DLGAP2: variants seen among roughly 807,000 people sequenced by gnomAD.
DLGAP2 encodes the protein disks large-associated protein 2.
In DLGAP2, 26 loss-of-function variants were observed where a neutral mutation model predicts 100.3. The observed-to-expected ratio is 0.26, with a 90% confidence interval of 0.19 to 0.36. DLGAP2 has a LOEUF of 0.36. DLGAP2 is among the 10% of genes least tolerant of loss of function. DLGAP2 has a pLI of 1.00. For synonymous variants in DLGAP2, 886 were observed against 630.1 expected (o/e 1.41, Z -6.08); for missense variants, 1,858 against 1,453.2 (o/e 1.28, Z -4.53).
chr8:1,125,496 T>A (rs1796144030), intron 2 of DLGAP2, among the ~76,000 whole-genome samples: 1 of 152,244 alleles, frequency 6.6e-6, no homozygotes, highest in African/African-American at 2.4e-5. Context: ...TTGAATGCCA[T>A]ATAACCACTT....
intron 2 of DLGAP2, among the ~76,000 whole-genome samples, chr8:1,229,002 A>C (rs1224071921): frequency 6.6e-6 from 1 of 152,194 alleles, no homozygotes; most frequent in African/African-American, 2.4e-5. Flanking sequence ...ATTTGCAAGT[A>C]ACATAAAGTT....
chr8:859,344 G>A (rs569371085), intron 1 of DLGAP2, among the ~76,000 whole-genome samples: 3 of 152,090 alleles, frequency 2.0e-5, no homozygotes, highest in Non-Finnish European at 4.4e-5. Context: ...ACTCCTGACC[G>A]CAGCTGATCC....
intron 2 of DLGAP2, among the ~76,000 whole-genome samples, chr8:1,046,783 A>G (rs1014085072): frequency 7.9e-5 from 12 of 152,116 alleles, no homozygotes; most frequent in African/African-American, 2.9e-4. Context: ...TTGTGGAATG[A>G]GGAATTTGTG....
chr8:981,953 C>T (rs1800343378), intron 2 of DLGAP2, among the ~76,000 whole-genome samples: 1 of 152,218 alleles, frequency 6.6e-6, no homozygotes, highest in Non-Finnish European at 1.5e-5. Context: ...TTCTGCTGTT[C>T]ACAGGTAAAC....
chr8:1,272,856 A>C (rs1585212515), intron 3 of DLGAP2, among the ~76,000 whole-genome samples: 1 of 152,230 alleles, frequency 6.6e-6, no homozygotes, highest in Non-Finnish European at 1.5e-5. Flanking sequence ...ACATCTGTAG[A>C]GGCTTTGGGG....
rs1211690774 is a variant in DLGAP2, at chr8:1,317,511, C to T, written c.106+58628C>T. On this transcript the variant is annotated intron_variant, in intron 3 of 14. Coordinates refer to ENST00000637795, the MANE Select transcript of DLGAP2 (RefSeq NM_001346810.2). ...GGTCTACACTCGAGACACTTGGCAG[C>T]GTTTAAAAATAGAGGCTGTGCGAGT... Among the ~76,000 whole-genome samples, 12 of 139,690 alleles carry T rather than the reference C, an allele frequency of 8.6e-5. No homozygotes were observed. The East Asian group carries it at 1.1e-3, about 13-fold the overall frequency. 91.6% of individuals were successfully genotyped at this position (139,690 alleles called of 152,430 possible).
intron 2 of DLGAP2, among the ~76,000 whole-genome samples, chr8:1,084,463 G>A (rs565249591): frequency 2.0e-5 from 3 of 152,294 alleles, no homozygotes; most frequent in African/African-American, 7.2e-5. Context: ...AGCATGCCGT[G>A]CTATTGATCT....
chr8:1,447,554 G>A (rs552257971), intron 3 of DLGAP2, among the ~76,000 whole-genome samples: 59 of 152,192 alleles, frequency 3.9e-4, no homozygotes, highest in African/African-American at 1.3e-3. Flanking sequence ...TCTCTTTTTC[G>A]GTTGTGTCTC....
intron 2 of DLGAP2, among the ~76,000 whole-genome samples, chr8:1,070,203 T>C (rs1226031718): frequency 2.0e-5 from 3 of 152,162 alleles, no homozygotes; most frequent in Non-Finnish European, 1.5e-5. Flanking sequence ...GAGTCCTTTC[T>C]TGCCTCCTTT....
chr8:1,378,980 C>G (rs534040898), intron 3 of DLGAP2, among the ~76,000 whole-genome samples: 1 of 152,346 alleles, frequency 6.6e-6, no homozygotes, highest in East Asian at 1.9e-4. Flanking sequence ...TAGGGTCCAC[C>G]ACAGCATGTG....
chr8:1,621,791 T>C (rs1797345985), intron 6 of DLGAP2: 1 of 152,064 alleles, frequency 6.6e-6, no homozygotes, highest in Non-Finnish European at 1.5e-5. Flanking sequence ...GCCTCTGCGG[T>C]CAAGGGTATG....
At chr8:1,632,805 C>T (rs773179434) in intron 7 of DLGAP2, 22 bp from the exon 8 acceptor site, 40 of 1,584,290 alleles carry the variant, frequency 2.5e-5, no homozygotes, top group Admixed American at 2.4e-4. Flanking sequence ...CGGGGCATCA[C>T]GTGTGCTGTT....
chr8:1,685,734 G>T (rs1329805010), intron 12 of DLGAP2, among the ~76,000 whole-genome samples: 8 of 136,710 alleles, frequency 5.9e-5, no homozygotes, highest in African/African-American at 2.2e-4. Context: ...TCAAATAACA[G>T]AAAAAAAAAA....
chr8:909,104 G>A (rs1798436208), intron 2 of DLGAP2, among the ~76,000 whole-genome samples: 1 of 152,146 alleles, frequency 6.6e-6, no homozygotes, highest in East Asian at 1.9e-4. Context: ...TGAGAATGAG[G>A]AACTGTCCCT....
intron 2 of DLGAP2, among the ~76,000 whole-genome samples, chr8:1,251,689 C>T (rs11984803): frequency 0.046 from 7,036 of 152,184 alleles, 562 homozygotes; most frequent in African/African-American, 0.16. Context: ...GTCATGTGAT[C>T]GTGGAGTCAG....
chr8:1,170,109 T>C (rs1274822430), intron 2 of DLGAP2, among the ~76,000 whole-genome samples: 6 of 152,212 alleles, frequency 3.9e-5, no homozygotes, highest in African/African-American at 9.6e-5. Flanking sequence ...TTGAATTTTG[T>C]CAAAGGCCTT....
At chr8:780,655 C>T (rs1047965437) in intron 1 of DLGAP2, among the ~76,000 whole-genome samples, 2 of 152,216 alleles carry the variant, frequency 1.3e-5, no homozygotes, top group East Asian at 3.8e-4. Context: ...TGAAAATATC[C>T]GCTCTAGTCA....
chr8:1,312,299 G>A (rs138194806), intron 3 of DLGAP2, among the ~76,000 whole-genome samples: 5 of 152,278 alleles, frequency 3.3e-5, no homozygotes, highest in East Asian at 3.9e-4. Context: ...TTTAGAGACC[G>A]CACCGAAGGC....
intron 2 of DLGAP2, among the ~76,000 whole-genome samples, chr8:1,245,454 A>G (rs980757013): frequency 6.6e-6 from 1 of 152,238 alleles, no homozygotes; most frequent in Non-Finnish European, 1.5e-5. Flanking sequence ...ACACAGACGA[A>G]CCTCAGAAAC....
Sources: allele counts gnomAD v4.1 joint callset (sites outside exome capture counted in the v4.1 genomes callset), GRCh38; gene constraint gnomAD v4.1.1; transcripts MANE v1.5; gene names NCBI Gene and HGNC (gene_info 2026-07-23, HGNC 2026-07-21).